Variants in UNC79 observed in about 807,000 individuals in gnomAD.
The protein encoded by UNC79 is protein unc-79 homolog.
UNC79 carries 37 observed loss-of-function variants against 283.1 expected under a neutral mutation model. That is an observed-to-expected ratio of 0.13 (90% confidence interval 0.10 to 0.17). The LOEUF (loss-of-function observed/expected upper bound fraction) is 0.17, where lower values mean the gene tolerates loss of function less well. UNC79 is among the 10% of genes least tolerant of loss of function. UNC79 has a pLI of 1.00. For synonymous variants in UNC79, 1,107 were observed against 1,200.2 expected, an observed-to-expected ratio of 0.92 and a Z score of 1.61; for missense variants, 2,272 against 3,211.1, an observed-to-expected ratio of 0.71 and a Z score of 7.07.
chr14:93,343,804 T>C (rs943385306), intron 1 of UNC79, among the ~76,000 whole-genome samples: 1 of 152,180 alleles, frequency 6.6e-6, no homozygotes, highest in Non-Finnish European at 1.5e-5. Context: ...GAAAACCTGA[T>C]CTCTAGGTTA....
chr14:93,598,390 GTGTGTGTGTGTGTGTGTGT>G (rs2065238725), intron 24 of UNC79, among the ~76,000 whole-genome samples: 2 of 151,718 alleles, frequency 1.3e-5, no homozygotes, highest in African/African-American at 4.8e-5. Context: ...GTGTGTGTGT[GTGTGTGTGTGTGTGTGTGT>G]GGCAGATTTT....
intron 5 of UNC79, among the ~76,000 whole-genome samples, chr14:93,489,822 G>A (rs1260986403): frequency 1.3e-5 from 2 of 152,176 alleles, no homozygotes; most frequent in Admixed American, 6.5e-5. Context: ...TGCCCTGGTG[G>A]GGGCTCTCTA....
rs1596106877 is a variant in UNC79, at chr14:93,621,144, C to T, written c.4388-477C>T. On this transcript the variant is annotated intron_variant, in intron 29 of 48. Transcript: ENST00000555664. The surrounding 1 kb of genome is among the most constrained non-coding windows in gnomAD (Gnocchi z 4.8). ...ATTATGTTACTACACATTTTAATAC[C>T]GTTGATTTATATATATGTATGCACA... 2 of 384,080 alleles carry T rather than the reference C, an allele frequency of 5.2e-6. No homozygotes were observed. The highest frequency in any genetic ancestry group is 2.1e-5 in the African/African-American group (1 of 47,442). The allele number at this position is 384,080 out of a possible 1,614,324, so 23.8% of individuals were successfully genotyped here. A position where few individuals can be genotyped will look rare whatever the true frequency, so the allele number is the denominator to read the frequency against.
intron 1 of UNC79, among the ~76,000 whole-genome samples, chr14:93,379,522 A>G (rs1290784308): frequency 6.6e-6 from 1 of 152,128 alleles, no homozygotes; most frequent in Non-Finnish European, 1.5e-5. Flanking sequence ...CGTTTGGTAT[A>G]TTTCAGACTT....
At chr14:93,444,478 G>A (rs1252751091) in intron 1 of UNC79, among the ~76,000 whole-genome samples, 1 of 151,918 alleles carries the variant, frequency 6.6e-6, no homozygotes, top group African/African-American at 2.4e-5. Context: ...TGCACTTTTG[G>A]TATCCTGTTT....
At chr14:93,356,763 G>A (rs1448701122) in intron 1 of UNC79, among the ~76,000 whole-genome samples, 2 of 152,120 alleles carry the variant, frequency 1.3e-5, no homozygotes, top group African/African-American at 4.8e-5. Flanking sequence ...CTAGTAATCT[G>A]TTTTTAAAGC....
intron 13 of UNC79, 94 bp from the exon 14 acceptor site, chr14:93,542,372 C>CT (rs2061420046): frequency 7.9e-7 from 1 of 1,268,300 alleles, no homozygotes; most frequent in Non-Finnish European, 1.1e-6. Flanking sequence ...TCTGGGATAT[C>CT]TTTTTATTTT....
At chr14:93,538,901 GTTTTA>G (rs572553340) in intron 12 of UNC79, among the ~76,000 whole-genome samples, 96 of 146,986 alleles carry the variant, frequency 6.5e-4, no homozygotes, top group African/African-American at 2.2e-3. Flanking sequence ...GCTTGTTTTT[GTTTTA>G]TTTTGTTTTG....
chr14:93,351,894 T>G (rs569635405), intron 1 of UNC79, among the ~76,000 whole-genome samples: 10 of 152,334 alleles, frequency 6.6e-5, no homozygotes, highest in African/African-American at 2.4e-4. Flanking sequence ...GAGGTCCACC[T>G]ACACTTTGAA....
intron 48 of UNC79, among the ~76,000 whole-genome samples, chr14:93,706,337 G>C (rs1233487057): frequency 2.0e-5 from 3 of 152,128 alleles, no homozygotes; most frequent in Non-Finnish European, 2.9e-5. Context: ...GCCAGGCTTT[G>C]AACACAGGGA....
At chr14:93,357,676 C>CATATATATATATAT (rs60284787) in intron 1 of UNC79, among the ~76,000 whole-genome samples, 2 of 32,362 alleles carry the variant, frequency 6.2e-5, no homozygotes, top group Non-Finnish European at 1.1e-4. Flanking sequence ...AATAAACTCC[C>CATATATATATATAT]ATATATATAT....
intron 1 of UNC79, among the ~76,000 whole-genome samples, chr14:93,372,571 A>G (rs961685815): frequency 1.3e-5 from 2 of 152,244 alleles, no homozygotes; most frequent in African/African-American, 4.8e-5. Flanking sequence ...ACTACTCAGG[A>G]GAAATTTGTG....
At position 93,534,477 on chromosome 14, in the gene UNC79, G is replaced by GCC. The variant is rs2060976048; in HGVS notation, c.1122+1903_1122+1904dup. 4.6e-5 allele frequency among the ~76,000 whole-genome samples: 7 copies of GCC among 152,240 alleles called. No individual in the cohort carries two copies. In the South Asian group the frequency reaches 1.5e-3, roughly 32 times the overall value. ...TTAGTGAATCTCATTGGGGTCCTGAGCCCCCAAAGCCACATCTATAATGAT... is the reference window on the plus strand; with the variant it reads ...TTAGTGAATCTCATTGGGGTCCTGAGCCCCCCCAAAGCCACATCTATAATGAT... On this transcript the variant is annotated intron_variant, in intron 11 of 48. Transcript: ENST00000555664.
At chr14:93,418,035 T>C (rs1467044482) in intron 1 of UNC79, among the ~76,000 whole-genome samples, 9 of 151,988 alleles carry the variant, frequency 5.9e-5, no homozygotes, top group East Asian at 1.9e-4. Flanking sequence ...AGTCATTCTC[T>C]GTCCAGCTTT....
At chr14:93,566,959 A>T (rs2062930996) in intron 14 of UNC79, among the ~76,000 whole-genome samples, 1 of 152,190 alleles carries the variant, frequency 6.6e-6, no homozygotes, top group Admixed American at 6.5e-5. Context: ...ATGAAAGCCC[A>T]AAAGAATAAT....
rs548817114 is a variant in UNC79, at chr14:93,433,538, A to T, written c.22+2487A>T. 1.1e-4 allele frequency among the ~76,000 whole-genome samples: 17 copies of T among 152,300 alleles called. 1 individual carries two copies. The highest frequency in any genetic ancestry group is 3.4e-4 in the African/African-American group (14 of 41,584). On this transcript the variant is annotated intron_variant, in intron 1 of 48. Transcript: ENST00000555664. The stretch of plus-strand genomic sequence containing the variant: ...TACGTGTAAGGAGCAAGAGAAGGAA[A>T]GGTCAGGGAATTTTTTTTTTTCTTC...
intron 14 of UNC79, among the ~76,000 whole-genome samples, chr14:93,556,280 CA>C (rs148754717): frequency 0.045 from 6,760 of 149,460 alleles, 503 homozygotes; most frequent in African/African-American, 0.16. Flanking sequence ...TATGTAAACA[CA>C]AAAAAAAAGG....
chr14:93,368,493 G>C (rs2054377854), intron 1 of UNC79, among the ~76,000 whole-genome samples: 1 of 151,292 alleles, frequency 6.6e-6, no homozygotes, highest in Non-Finnish European at 1.5e-5. Context: ...TTTTTTTTGA[G>C]ACATAGTCTT....
At chr14:93,495,847 G>A (rs552491284) in intron 5 of UNC79, among the ~76,000 whole-genome samples, 1 of 152,336 alleles carries the variant, frequency 6.6e-6, no homozygotes, top group East Asian at 1.9e-4. Context: ...AATCAAGGAA[G>A]CTTGCTGTCA....
Sources: gnomAD v4.1 joint callset for allele counts (sites outside exome capture counted in the v4.1 genomes callset) on GRCh38, gnomAD v4.1.1 for gene constraint, Gnocchi (gnomAD v3.1) non-coding constraint, MANE v1.5 for transcripts, NCBI Gene and HGNC (gene_info 2026-07-23, HGNC 2026-07-21) for gene names.